The following FAF1 variants were observed in gnomAD, a reference collection of about 807,000 sequenced individuals.
FAF1 encodes the protein FAS-associated factor 1.
Under a neutral mutation model 92.5 loss-of-function variants are expected in FAF1, and 25 were observed. The ratio of observed to expected loss-of-function variants is 0.27; its 90% CI spans 0.20 to 0.38. The LOEUF is 0.38. FAF1 is among the 10% of genes least tolerant of loss of function. The probability of loss-of-function intolerance (pLI) is 1.00; values close to 1 mark genes in which losing one functional copy is unlikely to be tolerated. For synonymous variants in FAF1, 234 were observed against 273.2 expected (o/e 0.86, Z 1.42); for missense variants, 636 against 793.3 (o/e 0.80, Z 2.38).
intron 8 of FAF1, among the ~76,000 whole-genome samples, chr1:50,601,464 T>G (rs1056572769): frequency 6.6e-6 from 1 of 152,124 alleles, no homozygotes; most frequent in Non-Finnish European, 1.5e-5. Context: ...GGCAGATCAC[T>G]TGAGGCCAGC....
chr1:50,662,674 A>G (rs1259710318), intron 7 of FAF1, among the ~76,000 whole-genome samples: 3 of 145,470 alleles, frequency 2.1e-5, no homozygotes, highest in Admixed American at 1.4e-4. Flanking sequence ...TATTAAAATG[A>G]ATTTGTATCT....
intron 1 of FAF1, among the ~76,000 whole-genome samples, chr1:50,909,369 C>T (rs567138420): frequency 6.6e-6 from 1 of 152,212 alleles, no homozygotes; most frequent in South Asian, 2.1e-4. Flanking sequence ...TTGCTCTTCT[C>T]GAGGAGTATC....
intron 17 of FAF1, among the ~76,000 whole-genome samples, chr1:50,486,455 T>C (rs904900349): frequency 2.0e-5 from 3 of 152,202 alleles, no homozygotes; most frequent in Non-Finnish European, 4.4e-5. Context: ...TCCATCCATC[T>C]ATTCATTAGT....
chr1:50,896,739 A>T (rs1189454155), intron 1 of FAF1, among the ~76,000 whole-genome samples: 1 of 152,162 alleles, frequency 6.6e-6, no homozygotes, highest in Non-Finnish European at 1.5e-5. Flanking sequence ...AAGTAGTAAA[A>T]CTCTTAGAGA....
chr1:50,952,712 GC>G (rs1164270467), intron 1 of FAF1, among the ~76,000 whole-genome samples: 1 of 149,658 alleles, frequency 6.7e-6, no homozygotes, highest in East Asian at 2.0e-4. Flanking sequence ...GAGCGCCTCT[GC>G]CCCGCCACCC....
chr1:50,537,012 T>C (rs943511191), intron 14 of FAF1, among the ~76,000 whole-genome samples: 5 of 152,260 alleles, frequency 3.3e-5, no homozygotes, highest in African/African-American at 4.8e-5. Context: ...GGTCTCGCTT[T>C]GTTGCCCAGG....
intron 6 of FAF1, among the ~76,000 whole-genome samples, chr1:50,706,862 G>A (rs564854350): frequency 6.6e-6 from 1 of 152,110 alleles, no homozygotes; most frequent in South Asian, 2.1e-4. Flanking sequence ...TTCCTCCTTT[G>A]CCCATCTGTA....
At chr1:50,457,461 G>A (rs946490970) in intron 18 of FAF1, among the ~76,000 whole-genome samples, 2 of 152,076 alleles carry the variant, frequency 1.3e-5, no homozygotes, top group African/African-American at 4.8e-5. Context: ...TTTACAATGG[G>A]GTTATTATAC....
At chr1:50,502,993 A>G (rs888310637) in intron 15 of FAF1, among the ~76,000 whole-genome samples, 3 of 151,614 alleles carry the variant, frequency 2.0e-5, no homozygotes, top group African/African-American at 7.3e-5. Flanking sequence ...CAGGCTAATT[A>G]TTCTAATTAT....
chr1:50,473,386 A>G (rs1478830535), intron 18 of FAF1, among the ~76,000 whole-genome samples: 1 of 152,182 alleles, frequency 6.6e-6, no homozygotes, highest in African/African-American at 2.4e-5. Flanking sequence ...CAGTACTTCC[A>G]TTTTTAAAGA....
chr1:50,710,437 T>C (rs1657872554), intron 6 of FAF1, among the ~76,000 whole-genome samples: 1 of 152,200 alleles, frequency 6.6e-6, no homozygotes, highest in Admixed American at 6.5e-5. Context: ...GCTAGTTCTT[T>C]GACCTCGACA....
chr1:50,910,496 G>T (rs1327065746), intron 1 of FAF1, among the ~76,000 whole-genome samples: 1 of 152,202 alleles, frequency 6.6e-6, no homozygotes. Flanking sequence ...GGAGTCTACA[G>T]AGGCAGGCAG....
intron 1 of FAF1, among the ~76,000 whole-genome samples, chr1:50,888,847 A>C (rs1427956431): frequency 6.6e-6 from 1 of 152,134 alleles, no homozygotes; most frequent in African/African-American, 2.4e-5. Context: ...TGTCTCTGCC[A>C]GGCTTTGGTA....
intron 17 of FAF1, among the ~76,000 whole-genome samples, chr1:50,485,090 A>G (rs1381239570): frequency 6.6e-6 from 1 of 151,870 alleles, no homozygotes; most frequent in African/African-American, 2.4e-5. Context: ...TGTACCCTAG[A>G]ACTTAAAGTA....
rs564812712 is a variant in FAF1, at chr1:50,669,375, T to C, written c.658-13847A>G. On this transcript the variant is annotated intron_variant, in intron 7 of 18. Transcript: ENST00000396153. ...ATAAGTAGTTTTTCACTGTACATGG[T>C]AAAAAAGGCACATGGAGAGACACTG... Among the ~76,000 whole-genome samples, 53 of 152,134 alleles carry C rather than the reference T, an allele frequency of 3.5e-4. 1 individual carries two copies. The East Asian group carries it at 0.01, about 29-fold the overall frequency.
In FAF1 at chr1:50,491,817, T is replaced by G. The variant is rs766277658; in HGVS notation, c.1495-16A>C. 1 of 1,588,252 alleles carries G rather than the reference T, an allele frequency of 6.3e-7. No homozygotes were observed. The highest frequency in any genetic ancestry group is 1.2e-5 in the South Asian group (1 of 86,114). The stretch of plus-strand genomic sequence containing the variant: ...CACGTTCATCCTTAAAGAAAAAGAT[T>G]CAAATATTTTTTGACATATAACTTT... On this transcript the variant is annotated splice_polypyrimidine_tract_variant and intron_variant, in intron 15 of 18. Coordinates refer to ENST00000396153, the MANE Select transcript of FAF1 (RefSeq NM_007051.3).
intron 7 of FAF1, among the ~76,000 whole-genome samples, chr1:50,704,035 T>C: frequency 6.6e-6 from 1 of 152,202 alleles, no homozygotes; most frequent in East Asian, 1.9e-4. Flanking sequence ...CGAACATTAA[T>C]GAATATTTTA....
chr1:50,477,236 A>G (rs561449783), intron 17 of FAF1, among the ~76,000 whole-genome samples: 1 of 152,308 alleles, frequency 6.6e-6, no homozygotes, highest in African/African-American at 2.4e-5. Context: ...GAGGCACTGA[A>G]TAACCACCTA....
At chr1:50,948,277 A>G (rs1645186142) in intron 1 of FAF1, among the ~76,000 whole-genome samples, 1 of 152,222 alleles carries the variant, frequency 6.6e-6, no homozygotes, top group Admixed American at 6.5e-5. Flanking sequence ...TTGTGTTGCT[A>G]TAAAAAAAAT....
Sources: gnomAD v4.1 joint callset for allele counts (sites outside exome capture counted in the v4.1 genomes callset) on GRCh38, gnomAD v4.1.1 for gene constraint, MANE v1.5 for transcripts, NCBI Gene and HGNC (gene_info 2026-07-23, HGNC 2026-07-21) for gene names.